Variants in TBC1D22A observed in about 807,000 individuals in gnomAD.
The protein encoded by TBC1D22A is TBC1 domain family member 22A.
TBC1D22A carries 38 observed loss-of-function variants against 60.2 expected under a neutral mutation model. The ratio of observed to expected loss-of-function variants is 0.63; its 90% CI spans 0.49 to 0.83. The LOEUF (loss-of-function observed/expected upper bound fraction) is 0.83, where lower values mean the gene tolerates loss of function less well. TBC1D22A is among the 40% of genes least tolerant of loss of function. The pLI is 0.00. For missense variants in TBC1D22A, 628 were observed against 701.0 expected (o/e 0.90, Z 1.18); for synonymous variants, 302 against 281.7 (o/e 1.07, Z -0.72).
chr22:47,164,035 AG>A (rs1204243284), intron 12 of TBC1D22A, among the ~76,000 whole-genome samples: 1 of 152,356 alleles, frequency 6.6e-6, no homozygotes, highest in Non-Finnish European at 1.5e-5. Flanking sequence ...TCACCGCGCC[AG>A]GTAACAGAGC....
chr22:46,985,617 T>TA (rs1457568702), intron 9 of TBC1D22A, among the ~76,000 whole-genome samples: 29 of 152,292 alleles, frequency 1.9e-4, no homozygotes, highest in Admixed American at 1.4e-3. Context: ...TACTAAGTAA[T>TA]ACTCCACCGT....
At chr22:46,954,604 G>A (rs1452752071) in intron 8 of TBC1D22A, among the ~76,000 whole-genome samples, 1 of 152,200 alleles carries the variant, frequency 6.6e-6, no homozygotes, top group Non-Finnish European at 1.5e-5. Context: ...TGGAGAGCAG[G>A]AGCTGAGGAC....
Position 47,169,247 on chromosome 22 carries a change from C to A in TBC1D22A, c.1426-4251C>A, listed in dbSNP as rs564035077. On this transcript the variant is annotated intron_variant, in intron 12 of 12. Transcript: ENST00000337137. ...GGTGTGGGTAGGGCCAACCCCCACC[C>A]CCACCGGCCCTCAACTTCAACAGGG... is the stretch of plus-strand genomic sequence containing the variant. 3.6e-3 allele frequency among the ~76,000 whole-genome samples: 545 copies of A among 152,294 alleles called. 1 individual carries two copies. The highest frequency in any genetic ancestry group is 0.013 in the African/African-American group (527 of 41,562).
At chr22:47,072,823 A>G (rs1345926123) in intron 11 of TBC1D22A, among the ~76,000 whole-genome samples, 6 of 152,212 alleles carry the variant, frequency 3.9e-5, no homozygotes, top group Non-Finnish European at 8.8e-5. Flanking sequence ...CCTCTTGGCC[A>G]TACATGTCAT....
intron 12 of TBC1D22A, among the ~76,000 whole-genome samples, chr22:47,160,181 GA>G (rs1569478380): frequency 6.6e-6 from 1 of 152,252 alleles, no homozygotes; most frequent in Non-Finnish European, 1.5e-5. Flanking sequence ...TTCCCGTGCA[GA>G]CACTCAGTGC....
chr22:46,854,951 T>G (rs2087492583), intron 4 of TBC1D22A, among the ~76,000 whole-genome samples: 1 of 152,230 alleles, frequency 6.6e-6, no homozygotes, highest in Non-Finnish European at 1.5e-5. Flanking sequence ...AAACATAGAA[T>G]ACTCCAATGA....
At chr22:46,816,982 T>C (rs578239862) in intron 4 of TBC1D22A, among the ~76,000 whole-genome samples, 36 of 152,346 alleles carry the variant, frequency 2.4e-4, no homozygotes, top group African/African-American at 8.7e-4. Flanking sequence ...AATGCTGATG[T>C]TCGAACATTA....
chr22:46,933,484 C>T (rs761057224), intron 8 of TBC1D22A, among the ~76,000 whole-genome samples: 2 of 152,198 alleles, frequency 1.3e-5, no homozygotes, highest in Non-Finnish European at 2.9e-5. Context: ...TTTCTCTTGG[C>T]CAACCCAGTG....
intron 12 of TBC1D22A, among the ~76,000 whole-genome samples, chr22:47,125,452 G>C (rs1410406860): frequency 6.6e-6 from 1 of 152,196 alleles, no homozygotes; most frequent in Non-Finnish European, 1.5e-5. Flanking sequence ...ACTTCGAAAA[G>C]CTCCCTATTA....
intron 1 of TBC1D22A, among the ~76,000 whole-genome samples, chr22:46,781,184 G>T (rs1013877364): frequency 6.7e-6 from 1 of 148,464 alleles, no homozygotes; most frequent in Admixed American, 6.8e-5. Flanking sequence ...TGTTGCTGGA[G>T]TGCAGTTGCT....
At chr22:46,913,267 T>C (rs2070088693) in intron 8 of TBC1D22A, 4 of 1,214,164 alleles carry the variant, frequency 3.3e-6, no homozygotes, top group African/African-American at 1.6e-5. Context: ...AATTTAAACC[T>C]GGTTTTGTCT....
In TBC1D22A at chr22:46,762,683, C is replaced by T. The variant is rs1033373776; in HGVS notation, c.-104C>T. 31 of 1,005,860 alleles carry T rather than the reference C, an allele frequency of 3.1e-5. No homozygotes were observed. Among genetic ancestry groups the T allele is most frequent in the Non-Finnish European group, 4.1e-5 (30 of 735,550 alleles). The allele number at this position is 1,005,860 out of a possible 1,614,324, so 62.3% of individuals were successfully genotyped here. A position where few individuals can be genotyped will look rare whatever the true frequency, so the allele number is the denominator to read the frequency against. On this transcript the variant is annotated 5_prime_UTR_variant, in exon 1 of 13. Coordinates refer to ENST00000337137, the MANE Select transcript of TBC1D22A (RefSeq NM_014346.5). ...TTCTCGGCTCTAGGCTCTGGAGTCC[C>T]GGGAGCAGTGAGGGGCCACCCGGGG...
At chr22:46,812,635 C>T (rs1035829005) in intron 4 of TBC1D22A, among the ~76,000 whole-genome samples, 8 of 152,082 alleles carry the variant, frequency 5.3e-5, no homozygotes, top group African/African-American at 1.7e-4. Context: ...ATGGGTTTTC[C>T]GTGAAGTTGA....
intron 5 of TBC1D22A, among the ~76,000 whole-genome samples, chr22:46,886,740 G>T (rs2068139492): frequency 6.6e-6 from 1 of 152,198 alleles, no homozygotes; most frequent in Non-Finnish European, 1.5e-5. Flanking sequence ...TTTAGAGCAC[G>T]GTTGGCAAAT....
intron 4 of TBC1D22A, among the ~76,000 whole-genome samples, chr22:46,852,284 C>T (rs936345517): frequency 9.2e-5 from 14 of 152,216 alleles, no homozygotes; most frequent in Non-Finnish European, 1.6e-4. Context: ...CAGGGCCTCC[C>T]GGCTTCCCGG....
At chr22:46,785,201 G>C (rs567991222) in intron 1 of TBC1D22A, among the ~76,000 whole-genome samples, 2 of 152,130 alleles carry the variant, frequency 1.3e-5, no homozygotes, top group South Asian at 4.1e-4. Context: ...AGGAAGACTC[G>C]AGGGCTGGGG....
intron 11 of TBC1D22A, among the ~76,000 whole-genome samples, chr22:47,046,249 G>A (rs183495247): frequency 2.6e-5 from 4 of 152,304 alleles, no homozygotes; most frequent in African/African-American, 7.2e-5. Flanking sequence ...GACAGGTCAC[G>A]GCTCGGTAGT....
chr22:47,039,421 G>A (rs1364530246), intron 11 of TBC1D22A, among the ~76,000 whole-genome samples: 1 of 152,086 alleles, frequency 6.6e-6, no homozygotes, highest in Non-Finnish European at 1.5e-5. Flanking sequence ...CCTAAACTGG[G>A]GGGTTTATTA....
At chr22:47,081,978 T>G (rs1204325930) in intron 11 of TBC1D22A, among the ~76,000 whole-genome samples, 2 of 152,102 alleles carry the variant, frequency 1.3e-5, no homozygotes, top group Non-Finnish European at 1.5e-5. Flanking sequence ...GCCAAGGTGG[T>G]GAAACCCCGT....
Sources: allele counts gnomAD v4.1 joint callset (sites outside exome capture counted in the v4.1 genomes callset), GRCh38; gene constraint gnomAD v4.1.1; transcripts MANE v1.5; gene names NCBI Gene and HGNC (gene_info 2026-07-23, HGNC 2026-07-21).